The following HOOK1 variants were observed in gnomAD, a reference collection of about 807,000 sequenced individuals.
The protein encoded by HOOK1 is protein Hook homolog 1.
Under a neutral mutation model 112.8 loss-of-function variants are expected in HOOK1, and 60 were observed. That is an observed-to-expected ratio of 0.53 (90% CI 0.43 to 0.66). The LOEUF is 0.66. HOOK1 is among the 30% of genes least tolerant of loss of function. The probability of loss-of-function intolerance (pLI) is 0.00; values close to 1 mark genes in which losing one functional copy is unlikely to be tolerated. For missense variants in HOOK1, 770 were observed against 856.0 expected (o/e 0.90, Z 1.25); for synonymous variants, 294 against 283.8 (o/e 1.04, Z -0.36).
chr1:59,815,101 C>G lies in HOOK1; in HGVS notation c.-17C>G, dbSNP rs1273891819. On this transcript the variant is annotated 5_prime_UTR_variant, in exon 1 of 22. Transcript: ENST00000371208. ...AGTGTGAAGGTGTCCGCGGCGTCGT[C>G]GACGGCGGCGCCGGCCATGGAGGAG... The G allele has an allele frequency of 1.9e-6, 3 of 1,539,006 alleles. No individual in the cohort carries two copies. The South Asian group carries it at 3.6e-5, about 18-fold the overall frequency.
Position 59,873,725 on chromosome 1 carries a change from C to CTATATATATATATATATA in HOOK1, c.*783_*800dup, listed in dbSNP as rs58867974. On this transcript the variant is annotated 3_prime_UTR_variant, in exon 22 of 22. Transcript: ENST00000371208. ...AGGTGACTTTCTGATGGAAAGCAAG[C>CTATATATATATATATATA]TATATATATATATATATATATATAT... 3.6e-5 allele frequency: 2 copies of CTATATATATATATATATA among 56,224 alleles called. No homozygotes were observed. The highest frequency in any genetic ancestry group is 3.3e-5 in the Non-Finnish European group (1 of 30,722). The allele number at this position is 56,224 out of a possible 1,614,324, so 3.5% of individuals were successfully genotyped here. A position where few individuals can be genotyped will look rare whatever the true frequency, so the allele number is the denominator to read the frequency against.
At chr1:59,815,268 T>A in intron 1 of HOOK1, 88 bp downstream of exon 1, 1 of 1,261,572 alleles carries the variant, frequency 7.9e-7, no homozygotes, top group Non-Finnish European at 1.1e-6. Flanking sequence ...GAGCTGGGGC[T>A]ACCTGCACAG....
Position 59,849,164 on chromosome 1 carries a change from C to T in HOOK1, c.1223C>T (p.Ala408Val), listed in dbSNP as rs2098405765. The change falls in exon 12 of 22, where the codon GCT becomes GTT. Residue 408 changes from alanine to valine, a missense_variant. Around this residue, in one of 3 missense-constraint regions of HOOK1, gnomAD observed 655 missense variants for 725.9 expected, o/e 0.90. Coordinates refer to ENST00000371208, the MANE Select transcript of HOOK1 (RefSeq NM_015888.6). The part of the protein sequence containing the change: ...EMKRLEEKHE[A>V]LLKEKERLIE... ...AAGCGGCTTGAAGAAAAACATGAAG[C>T]TTTACTTAAGGAAAAAGAGGTAAAC... 1.1e-5 allele frequency: 18 copies of T among 1,605,706 alleles called. No individual in the cohort carries two copies. The highest frequency in any genetic ancestry group is 1.5e-5 in the Non-Finnish European group (18 of 1,173,938).
At chr1:59,856,232 A>G (rs934096986) in intron 12 of HOOK1, among the ~76,000 whole-genome samples, 11 of 150,286 alleles carry the variant, frequency 7.3e-5, no homozygotes. Flanking sequence ...GGCATGAGCT[A>G]CCACAACCAG....
intron 2 of HOOK1, 118 bp from the exon 3 acceptor site, chr1:59,828,662 A>T: frequency 1.5e-6 from 1 of 682,934 alleles, no homozygotes. Context: ...AGTAATATTC[A>T]GTATTGTTAT....
Position 59,848,382 on chromosome 1 carries a change from C to T in HOOK1, c.997C>T (p.Leu333=). ...VEIYRQKLQD[L]NDLRKQVKTL... is the part of the protein sequence containing the mutation. Reference sequence around the variant, plus strand: ...GATATATCGTCAGAAGCTACAAGATCTGAATGACCTTCGCAAGCAGGTGAA... The same window carrying T: ...GATATATCGTCAGAAGCTACAAGATTTGAATGACCTTCGCAAGCAGGTGAA... Residue 333 remains leucine, a synonymous_variant, in exon 11 of 22, where the codon CTG becomes TTG. Transcript: ENST00000371208. 1 of 1,611,314 alleles carries T rather than the reference C, an allele frequency of 6.2e-7. No homozygotes were observed. Among genetic ancestry groups the T allele is most frequent in the Non-Finnish European group, 8.5e-7 (1 of 1,178,122 alleles).
chr1:59,835,256 G>C lies in HOOK1; in HGVS notation c.407-89G>C, dbSNP rs965375873. ...TTACATAAAGGATTATCTGTGGGTAGATGAATTTTTATAGTCTATTAATTT... is the reference window on the plus strand; with the variant it reads ...TTACATAAAGGATTATCTGTGGGTACATGAATTTTTATAGTCTATTAATTT... On this transcript the variant is annotated intron_variant, in intron 5 of 21. Transcript: ENST00000371208. 5.1e-5 allele frequency: 38 copies of C among 748,648 alleles called. 1 individual carries two copies. The Admixed American group carries it at 8.1e-4, about 16-fold the overall frequency. 46.4% of individuals were successfully genotyped at this position (748,648 alleles called of 1,614,324 possible).
At chr1:59,863,728 A>G (rs1289047231) in intron 16 of HOOK1, 1 of 322,786 alleles carries the variant, frequency 3.1e-6, no homozygotes, top group Non-Finnish European at 4.5e-6. Flanking sequence ...CAGAGTAAAG[A>G]GATGAAAAGG....
intron 18 of HOOK1, 71 bp downstream of exon 18, chr1:59,865,316 C>T: frequency 2.2e-6 from 2 of 907,152 alleles, no homozygotes; most frequent in Non-Finnish European, 1.8e-6. Flanking sequence ...TTGAAGGATC[C>T]AAGGTCTATG....
chr1:59,833,214 TGG>T (rs1274802319), intron 4 of HOOK1, among the ~76,000 whole-genome samples, 189 bp from the exon 5 acceptor site: 1 of 152,182 alleles, frequency 6.6e-6, no homozygotes, highest in African/African-American at 2.4e-5. Flanking sequence ...ATAGTGCTTT[TGG>T]TTGGTTACTC....
At chr1:59,826,410 G>A (rs2098389975) in intron 2 of HOOK1, among the ~76,000 whole-genome samples, 1 of 152,178 alleles carries the variant, frequency 6.6e-6, no homozygotes, top group East Asian at 1.9e-4. Flanking sequence ...GGAAAAGGTT[G>A]ACTGCCATTA....
intron 12 of HOOK1, among the ~76,000 whole-genome samples, chr1:59,850,524 A>C (rs1199541603): frequency 6.6e-6 from 1 of 151,434 alleles, no homozygotes; most frequent in Non-Finnish European, 1.5e-5. Flanking sequence ...TTAGTCTGTG[A>C]TCCATTTGGT....
At chr1:59,849,916 A>G (rs910280114) in intron 12 of HOOK1, among the ~76,000 whole-genome samples, 15 of 151,634 alleles carry the variant, frequency 9.9e-5, no homozygotes, top group East Asian at 9.6e-4. Flanking sequence ...GAATAATGCT[A>G]TGAATGTTTA....
Position 59,840,356 on chromosome 1 carries a change from G to C in HOOK1, c.586G>C (p.Glu196Gln). 6.3e-7 allele frequency: 1 copy of C among 1,594,324 alleles called. No homozygotes were observed. Among genetic ancestry groups the C allele is most frequent in the Non-Finnish European group, 8.5e-7 (1 of 1,171,200 alleles). Residue 196 changes from glutamate to glutamine, a missense_variant, in exon 8 of 22, where the codon GAG becomes CAG. By Grantham distance (29) the Glu-to-Gln change is conservative. Coordinates refer to ENST00000371208, the MANE Select transcript of HOOK1 (RefSeq NM_015888.6). ...TCAGGAAGCACTAGCAGAAAAAGAA[G>C]AGCTGAGGCAAAGATGTGAAGAATT... ...ELQEALAEKE[E>Q]LRQRCEELDM...
At chr1:59,839,750 G>A (rs2098399985) in intron 7 of HOOK1, among the ~76,000 whole-genome samples, 1 of 152,126 alleles carries the variant, frequency 6.6e-6, no homozygotes, top group Admixed American at 6.6e-5. Flanking sequence ...GTGAGAGAGG[G>A]CATCCTTGTC....
intron 1 of HOOK1, among the ~76,000 whole-genome samples, chr1:59,818,065 C>T (rs562517656): frequency 6.6e-6 from 1 of 152,078 alleles, no homozygotes; most frequent in African/African-American, 2.4e-5. Flanking sequence ...GAATTTTTAA[C>T]TGGGTCATAG....
Position 59,843,485 on chromosome 1 carries a change from G to T in HOOK1, c.675G>T (p.Met225Ile), listed in dbSNP as rs1355653246. The change falls in exon 9 of 22, where the codon ATG (methionine) becomes ATT (isoleucine). Residue 225 changes from methionine (M) to isoleucine (I), a missense_variant. Around this residue, in one of 3 missense-constraint regions of HOOK1, gnomAD observed 655 missense variants for 725.9 expected, o/e 0.90. Coordinates refer to ENST00000371208, the MANE Select transcript of HOOK1 (RefSeq NM_015888.6). Reference sequence around the variant, plus strand: ...CACTGGTTTCTGAAAATGAGATGATGAATGAAAAACTTGACCAGTTGGATG... The same window carrying T: ...CACTGGTTTCTGAAAATGAGATGATTAATGAAAAACTTGACCAGTTGGATG... Reference protein sequence around the residue: ...KNSLVSENEMMNEKLDQLDGS... With the variant: ...KNSLVSENEMINEKLDQLDGS... 3.1e-6 allele frequency: 5 copies of T among 1,610,628 alleles called. No homozygotes were observed. The highest frequency in any genetic ancestry group is 3.3e-4 in the Middle Eastern group (2 of 6,032).
At position 59,872,771 on chromosome 1, in the gene HOOK1, A is replaced by G. The variant is rs948330372; in HGVS notation, c.2017-24A>G. The G allele has an allele frequency of 8.0e-6, 11 of 1,380,224 alleles. No individual in the cohort carries two copies. The African/African-American group carries it at 1.2e-4, about 15-fold the overall frequency. 85.5% of individuals were successfully genotyped at this position (1,380,224 alleles called of 1,614,324 possible). ...AACTCTGTTTAGTCATGTTAAATAAAAAATATATGTTTTTTTTTTTCAGAG... is the reference window on the plus strand; with the variant it reads ...AACTCTGTTTAGTCATGTTAAATAAGAAATATATGTTTTTTTTTTTCAGAG... On this transcript the variant is annotated intron_variant, in intron 21 of 21. Coordinates refer to ENST00000371208, the MANE Select transcript of HOOK1 (RefSeq NM_015888.6).
At chr1:59,867,221 A>C (rs1044887197) in intron 19 of HOOK1, among the ~76,000 whole-genome samples, 1 of 152,220 alleles carries the variant, frequency 6.6e-6, no homozygotes, top group Non-Finnish European at 1.5e-5. Context: ...TACAAATCAC[A>C]ACCATTTATC....
Sources: allele counts gnomAD v4.1 joint callset (sites outside exome capture counted in the v4.1 genomes callset), GRCh38; gene constraint gnomAD v4.1.1; regional missense constraint gnomAD v4.1.1; transcripts MANE v1.5; gene names NCBI Gene and HGNC (gene_info 2026-07-23, HGNC 2026-07-21).